DAB2IP: variants seen among roughly 807,000 people sequenced by gnomAD.
DAB2IP encodes disabled homolog 2-interacting protein.
Under a neutral mutation model 107.2 loss-of-function variants are expected in DAB2IP, and 28 were observed. The observed-to-expected ratio is 0.26, with a 90% CI of 0.19 to 0.36. The LOEUF (loss-of-function observed/expected upper bound fraction) is 0.36, where lower values mean the gene tolerates loss of function less well. Ranked by LOEUF, DAB2IP falls within the 10% of genes least tolerant of loss-of-function variation. The probability of loss-of-function intolerance (pLI) is 1.00; values close to 1 mark genes in which losing one functional copy is unlikely to be tolerated. For synonymous variants in DAB2IP, 755 were observed against 706.4 expected (o/e 1.07, Z -1.09); for missense variants, 1,400 against 1,644.7 (o/e 0.85, Z 2.57).
intron 3 of DAB2IP, chr9:121,752,127 G>A (rs770854774): frequency 7.0e-6 from 5 of 714,478 alleles, no homozygotes; most frequent in South Asian, 6.3e-5. Context: ...TGGGGGAAGC[G>A]GCCCATACTT....
intron 8 of DAB2IP, among the ~76,000 whole-genome samples, chr9:121,765,936 ATCT>A (rs2118988524): frequency 6.6e-6 from 1 of 152,242 alleles, no homozygotes; most frequent in Non-Finnish European, 1.5e-5. Flanking sequence ...GGGTAGTCCC[ATCT>A]TCTTGATCTT....
chr9:121,724,857 A>AG (rs1487120535), intron 3 of DAB2IP, among the ~76,000 whole-genome samples: 1 of 151,808 alleles, frequency 6.6e-6, no homozygotes, highest in Non-Finnish European at 1.5e-5. Context: ...CAGGAATGGG[A>AG]GGGGGCCCAA....
At chr9:121,665,355 T>G (rs913311483) in intron 1 of DAB2IP, among the ~76,000 whole-genome samples, 6 of 151,894 alleles carry the variant, frequency 4.0e-5, no homozygotes, top group Admixed American at 2.6e-4. Flanking sequence ...TGAAAATAAA[T>G]AAAGAAAAGA....
chr9:121,576,758 G>C (rs111460027), intron 1 of DAB2IP, among the ~76,000 whole-genome samples: 8 of 152,290 alleles, frequency 5.3e-5, no homozygotes, highest in East Asian at 1.9e-4. Flanking sequence ...AGATTCTGGG[G>C]GGGGAGGGGA....
chr9:121,597,864 C>T lies in DAB2IP; in HGVS notation c.40+30636C>T, dbSNP rs563232459. Among the ~76,000 whole-genome samples, 84 of 152,326 alleles carry T rather than the reference C, an allele frequency of 5.5e-4. 1 individual carries two copies. Among genetic ancestry groups the T allele is most frequent in the Non-Finnish European group, 1.9e-4 (13 of 68,032 alleles). The stretch of plus-strand genomic sequence containing the variant: ...CGAAGACTTCCACTGACCCTGGTAT[C>T]GGATTTCACTCCTTCCTGCCTTCAT... On this transcript the variant is annotated intron_variant, in intron 1 of 16. Transcript: ENST00000259371.
chr9:121,642,033 T>TC (rs1391697683), intron 1 of DAB2IP, among the ~76,000 whole-genome samples: 122 of 11,822 alleles, frequency 0.01, no homozygotes, highest in Non-Finnish European at 0.016. Flanking sequence ...CTCTCTCTCT[T>TC]TCTTTCTTTC....
intron 1 of DAB2IP, among the ~76,000 whole-genome samples, chr9:121,579,491 C>T (rs1034640622): frequency 6.6e-5 from 10 of 152,172 alleles, no homozygotes; most frequent in Non-Finnish European, 1.2e-4. Flanking sequence ...GTCCTCACAC[C>T]CCTGCCCACT....
intron 1 of DAB2IP, among the ~76,000 whole-genome samples, chr9:121,586,258 A>G (rs761959136): frequency 1.3e-5 from 2 of 152,264 alleles, no homozygotes; most frequent in African/African-American, 2.4e-5. Flanking sequence ...GAACACAGCC[A>G]TGAATCCTGA....
chr9:121,728,213 C>A (rs1337542919), intron 3 of DAB2IP, among the ~76,000 whole-genome samples: 1 of 152,142 alleles, frequency 6.6e-6, no homozygotes, highest in Non-Finnish European at 1.5e-5. Flanking sequence ...ACTCATGGTA[C>A]TTCTCTGAAT....
At chr9:121,758,935 G>T (rs1180875353) in exon 5 of DAB2IP, 2 of 1,613,756 alleles carry the variant, frequency 1.2e-6, no homozygotes, top group South Asian at 1.1e-5. Flanking sequence ...TTTTCCTGCC[G>T]GTCTGCAGCT....
intron 1 of DAB2IP, among the ~76,000 whole-genome samples, chr9:121,639,257 T>C (rs1419559987): frequency 6.6e-6 from 1 of 152,208 alleles, no homozygotes; most frequent in African/African-American, 2.4e-5. Context: ...AACTCTGCCC[T>C]CTCTGAGCTT....
chr9:121,649,327 A>G (rs1056740995), upstream of DAB2IP, among the ~76,000 whole-genome samples: 2 of 143,116 alleles, frequency 1.4e-5, no homozygotes. Flanking sequence ...AAGTGGGGAG[A>G]CCATGCCAGA....
intron 2 of DAB2IP, among the ~76,000 whole-genome samples, chr9:121,683,006 A>G (rs371966429): frequency 6.6e-6 from 1 of 152,096 alleles, no homozygotes; most frequent in African/African-American, 2.4e-5. Context: ...CTTCCTGTGC[A>G]TCTGTGGCCA....
At position 121,782,358 on chromosome 9, in the gene DAB2IP, G is replaced by A. The variant is rs764941247; in HGVS notation, c.3430G>A (p.Ala1144Thr). 6 of 1,613,862 alleles carry A rather than the reference G, an allele frequency of 3.7e-6. No homozygotes were observed. Among genetic ancestry groups the A allele is most frequent in the Non-Finnish European group, 5.1e-6 (6 of 1,179,868 alleles). The change falls in exon 16 of 16, where the codon GCC becomes ACC. Residue 1144 changes from alanine (A) to threonine (T), a missense_variant. Coordinates refer to ENST00000408936, the Ensembl canonical transcript of DAB2IP. This position sits in a 1 kb window ranked among gnomAD's most constrained non-coding sequence, Gnocchi z 6.1. ...GAAGCGCATTGCCTCGTTGGATGCCGCCAATGCCCGCCTCATGAGTGCCCT... is the reference window on the plus strand; with the variant it reads ...GAAGCGCATTGCCTCGTTGGATGCCACCAATGCCCGCCTCATGAGTGCCCT...
chr9:121,600,714 C>G (rs920359689), intron 1 of DAB2IP, among the ~76,000 whole-genome samples: 1 of 152,210 alleles, frequency 6.6e-6, no homozygotes, highest in African/African-American at 2.4e-5. Flanking sequence ...GAACCAAACA[C>G]CTAGCTCTGG....
At chr9:121,700,731 G>A (rs1829727546) in intron 3 of DAB2IP, among the ~76,000 whole-genome samples, 1 of 152,176 alleles carries the variant, frequency 6.6e-6, no homozygotes, top group South Asian at 2.1e-4. Flanking sequence ...AGAATGGCTA[G>A]ACGTTTAATT....
chr9:121,776,537 C>T lies in DAB2IP; in HGVS notation c.3314+146C>T, dbSNP rs1286788285. On this transcript the variant is annotated intron_variant, in intron 14 of 15. Coordinates refer to ENST00000408936, the Ensembl canonical transcript of DAB2IP. This position sits in a 1 kb window ranked among gnomAD's most constrained non-coding sequence, Gnocchi z 5.4. ...GAAGAGAGTGTCTGGGCAGTGGGAG[C>T]AGCGTGAGCACAGGCCTGGAGGCAG... 2.0e-6 allele frequency: 2 copies of T among 995,184 alleles called. No individual in the cohort carries two copies. The highest frequency in any genetic ancestry group is 2.9e-6 in the Non-Finnish European group (2 of 698,060). The allele number at this position is 995,184 out of a possible 1,614,324, so 61.6% of individuals were successfully genotyped here. A position where few individuals can be genotyped will look rare whatever the true frequency, so the allele number is the denominator to read the frequency against.
chr9:121,587,742 G>A (rs1454858504), intron 1 of DAB2IP, among the ~76,000 whole-genome samples: 1 of 152,150 alleles, frequency 6.6e-6, no homozygotes, highest in Non-Finnish European at 1.5e-5. Context: ...GGAGGAGTAA[G>A]ATGGAACCTG....
In DAB2IP at chr9:121,699,201, C is replaced by G; in HGVS notation, c.229-124C>G. On this transcript the variant is annotated intron_variant, in intron 2 of 15. Coordinates refer to ENST00000408936, the Ensembl canonical transcript of DAB2IP. This position sits in a 1 kb window ranked among gnomAD's most constrained non-coding sequence, Gnocchi z 6.2. ...GGGCCGCGAGCTGCTGGGGCCGAGCCCGAGCCCGGCCCGCCCTCGGCCGCG... is the reference window on the plus strand; with the variant it reads ...GGGCCGCGAGCTGCTGGGGCCGAGCGCGAGCCCGGCCCGCCCTCGGCCGCG... 2.1e-6 allele frequency: 2 copies of G among 974,346 alleles called. No homozygotes were observed. The highest frequency in any genetic ancestry group is 3.5e-5 in the African/African-American group (2 of 56,364). The allele number at this position is 974,346 out of a possible 1,614,324, so 60.4% of individuals were successfully genotyped here.
Sources: gnomAD v4.1 joint callset for allele counts (sites outside exome capture counted in the v4.1 genomes callset) on GRCh38, gnomAD v4.1.1 for gene constraint, Gnocchi (gnomAD v3.1) non-coding constraint, MANE v1.5 for transcripts, NCBI Gene and HGNC (gene_info 2026-07-23, HGNC 2026-07-21) for gene names.